The following BRAP variants were observed in gnomAD, a reference collection of about 807,000 sequenced individuals.
The protein encoded by BRAP is BRCA1-associated protein.
Under a neutral mutation model 73.4 loss-of-function variants are expected in BRAP, and 42 were observed. The ratio of observed to expected loss-of-function variants is 0.57; its 90% CI spans 0.45 to 0.74. The LOEUF (loss-of-function observed/expected upper bound fraction) is 0.74, where lower values mean the gene tolerates loss of function less well. BRAP is among the 30% of genes least tolerant of loss of function. The pLI is 0.00. For missense variants in BRAP, 593 were observed against 751.4 expected, an observed-to-expected ratio of 0.79 and a Z score of 2.46; for synonymous variants, 255 against 267.4, an observed-to-expected ratio of 0.95 and a Z score of 0.45.
At chr12:111,670,226 C>T (rs902176432) in intron 5 of BRAP, 12 of 603,086 alleles carry the variant, frequency 2.0e-5, no homozygotes, top group South Asian at 6.9e-5. Flanking sequence ...TTCATCTGAC[C>T]GTTTCTCAAT....
intron 3 of BRAP, among the ~76,000 whole-genome samples, 197 bp from the exon 4 acceptor site, chr12:111,679,537 C>A (rs909664193): frequency 6.6e-6 from 1 of 152,050 alleles, no homozygotes; most frequent in African/African-American, 2.4e-5. Flanking sequence ...AATCTGCATT[C>A]GGTAAATTTG....
At chr12:111,662,797 C>T (rs966409419) in intron 6 of BRAP, among the ~76,000 whole-genome samples, 1 of 151,850 alleles carries the variant, frequency 6.6e-6, no homozygotes. Context: ...CTCATCCCTT[C>T]GGTCTGTGTG....
chr12:111,681,583 CAAAAA>C (rs368877992), intron 3 of BRAP, 49 bp downstream of exon 3: 282 of 1,118,910 alleles, frequency 2.5e-4, no homozygotes, highest in South Asian at 3.4e-4. Flanking sequence ...TAAAGCAAAG[CAAAAA>C]AAAAAAAAAA....
Position 111,665,541 on chromosome 12 carries a change from C to T in BRAP, c.896+98G>A. 1.3e-6 allele frequency: 2 copies of T among 1,499,930 alleles called. No individual in the cohort carries two copies. The highest frequency in any genetic ancestry group is 1.8e-6 in the Non-Finnish European group (2 of 1,105,664). The allele number at this position is 1,499,930 out of a possible 1,614,324, so 92.9% of individuals were successfully genotyped here. On this transcript the variant is annotated intron_variant, in intron 6 of 11. Coordinates refer to ENST00000419234, the MANE Select transcript of BRAP (RefSeq NM_006768.5). The surrounding 1 kb of genome is among the most constrained non-coding windows in gnomAD (Gnocchi z 4.3). ...AGAAAAAGGACCTCTTGAATAAAGT[C>T]AAATACTTGGAATGGTTCATTTCTG...
At chr12:111,685,461 G>T in intron 1 of BRAP, 1 of 818,832 alleles carries the variant, frequency 1.2e-6, no homozygotes, top group Non-Finnish European at 1.6e-6. Flanking sequence ...TCGAGAGGGA[G>T]ACGCGCCAGG....
intron 4 of BRAP, among the ~76,000 whole-genome samples, chr12:111,676,893 TC>T (rs950977439): frequency 6.6e-6 from 1 of 152,014 alleles, no homozygotes; most frequent in African/African-American, 2.4e-5. Context: ...TATTAGAAAA[TC>T]CCTGTTAGGA....
intron 5 of BRAP, 81 bp downstream of exon 5, chr12:111,672,580 G>A: frequency 7.9e-7 from 1 of 1,265,322 alleles, no homozygotes; most frequent in South Asian, 1.3e-5. Flanking sequence ...GCCTATTCTG[G>A]GTATTTCACA....
At chr12:111,675,183 C>A (rs992643868) in intron 4 of BRAP, among the ~76,000 whole-genome samples, 20 of 151,804 alleles carry the variant, frequency 1.3e-4, no homozygotes, top group African/African-American at 4.8e-4. Context: ...ATAGCTTGAG[C>A]CCAGGAGGTG....
In BRAP at chr12:111,644,369, T is replaced by A; in HGVS notation, c.1609A>T (p.Met537Leu). 1 of 1,613,872 alleles carries A rather than the reference T, an allele frequency of 6.2e-7. No homozygotes were observed. Among genetic ancestry groups the A allele is most frequent in the Non-Finnish European group, 8.5e-7 (1 of 1,179,994 alleles). ...TEIQEQLRDV[M>L]FYLETQQKIN... ...TTCTGCTGTGTCTCCAGGTAGAACA[T>A]GACGTCACGCAGCTGCTCCTGGATC... Residue 537 changes from methionine (M) to leucine (L), a missense_variant, in exon 12 of 12, where the codon ATG (methionine) becomes TTG (leucine). Met to Leu is a conservative substitution (Grantham distance 15). This residue lies in a region of BRAP where 143 missense variants were observed against 190.4 expected (regional missense o/e 0.75). Coordinates refer to ENST00000419234, the MANE Select transcript of BRAP (RefSeq NM_006768.5).
At chr12:111,670,821 C>T (rs562371002) in intron 5 of BRAP, among the ~76,000 whole-genome samples, 6 of 151,326 alleles carry the variant, frequency 4.0e-5, no homozygotes, top group South Asian at 2.1e-4. Context: ...GAAATCTGGC[C>T]GGGCGCGGTG....
At position 111,642,461 on chromosome 12, in the gene BRAP, G is replaced by A. The variant is rs551864504; in HGVS notation, c.*1738C>T. 1 of 152,186 alleles carries A rather than the reference G, an allele frequency of 6.6e-6. No homozygotes were observed. The highest frequency in any genetic ancestry group is 2.4e-5 in the African/African-American group (1 of 41,520). The allele number at this position is 152,186 out of a possible 1,614,324, so 9.4% of individuals were successfully genotyped here. ...TACTGAAAAATCTGTTTTCCCAGGTGGTGGTGGGGCCACTGGATAGAAGGG... is the reference window on the plus strand; with the variant it reads ...TACTGAAAAATCTGTTTTCCCAGGTAGTGGTGGGGCCACTGGATAGAAGGG... On this transcript the variant is annotated 3_prime_UTR_variant, in exon 12 of 12. Coordinates refer to ENST00000419234, the MANE Select transcript of BRAP (RefSeq NM_006768.5).
intron 2 of BRAP, among the ~76,000 whole-genome samples, chr12:111,682,042 A>G (rs528747542): frequency 6.6e-6 from 1 of 152,164 alleles, no homozygotes; most frequent in South Asian, 2.1e-4. Context: ...TCTCATTAAC[A>G]CCCTCAGAAA....
chr12:111,643,539 T>C lies in BRAP; in HGVS notation c.*660A>G, dbSNP rs972966012. 2 of 152,150 alleles carry C rather than the reference T, an allele frequency of 1.3e-5. No homozygotes were observed. Among genetic ancestry groups the C allele is most frequent in the African/African-American group, 4.8e-5 (2 of 41,434 alleles). The allele number at this position is 152,150 out of a possible 1,614,324, so 9.4% of individuals were successfully genotyped here. A position where few individuals can be genotyped will look rare whatever the true frequency, so the allele number is the denominator to read the frequency against. On this transcript the variant is annotated 3_prime_UTR_variant, in exon 12 of 12. Transcript: ENST00000419234. ...GGAGCTGCCACCATTTTTCCTACAC[T>C]GAGTCTACCCAATGTGCCCCGGGTT...
At position 111,682,497 on chromosome 12, in the gene BRAP, C is replaced by CAAAAA. The variant is rs11366915; in HGVS notation, c.244+644_244+648dup. On this transcript the variant is annotated intron_variant, in intron 2 of 11. Coordinates refer to ENST00000419234, the MANE Select transcript of BRAP (RefSeq NM_006768.5). ...ACCTGGGGACAAAGTGAGACTGTCT[C>CAAAAA]AAAAAAAAAAAAAAAAAAAAAGAAA... Among the ~76,000 whole-genome samples, 100 of 76,900 alleles carry CAAAAA rather than the reference C, an allele frequency of 1.3e-3. 1 individual carries two copies. The highest frequency in any genetic ancestry group is 1.7e-3 in the Non-Finnish European group (69 of 40,194). The allele number at this position is 76,900 out of a possible 152,430, so 50.4% of individuals were successfully genotyped here. A position where few individuals can be genotyped will look rare whatever the true frequency, so the allele number is the denominator to read the frequency against.
chr12:111,677,229 G>A (rs1887417593), intron 4 of BRAP, among the ~76,000 whole-genome samples: 1 of 152,182 alleles, frequency 6.6e-6, no homozygotes, highest in Admixed American at 6.5e-5. Context: ...TATTTCAAAA[G>A]CCTGAGTGCT....
chr12:111,659,655 A>AAAAC (rs971101421), intron 7 of BRAP, among the ~76,000 whole-genome samples: 39 of 152,026 alleles, frequency 2.6e-4, no homozygotes, highest in African/African-American at 7.2e-5. Context: ...ACTCTGTCTT[A>AAAAC]AAACAAACAA....
chr12:111,670,828 G>A (rs1201027146), intron 5 of BRAP, among the ~76,000 whole-genome samples: 4 of 152,136 alleles, frequency 2.6e-5, no homozygotes, highest in Non-Finnish European at 4.4e-5. Flanking sequence ...GGCCGGGCGC[G>A]GTGGCTCATG....
In BRAP at chr12:111,644,330, G is replaced by A. The variant is rs760506899; in HGVS notation, c.1648C>T (p.Pro550Ser). The A allele has an allele frequency of 6.2e-6, 10 of 1,614,014 alleles. No homozygotes were observed. Among genetic ancestry groups the A allele is most frequent in the Non-Finnish European group, 8.5e-6 (10 of 1,180,020 alleles). The change falls in exon 12 of 12, where the codon CCT becomes TCT. Residue 550 changes from proline to serine, a missense_variant. Physicochemically the swap from Pro to Ser is moderately conservative, Grantham distance 74. Around this residue, in one of 4 missense-constraint regions of BRAP, gnomAD observed 79 missense variants for 65.3 expected, o/e 1.21. Transcript: ENST00000419234. The part of the protein sequence containing the change: ...LETQQKINHL[P>S]AETRQEIQEG... ...TGGATTTCCTGCCGGGTCTCGGCAGGCAGATGGTTGATCTTCTGCTGTGTC... is the reference window on the plus strand; with the variant it reads ...TGGATTTCCTGCCGGGTCTCGGCAGACAGATGGTTGATCTTCTGCTGTGTC...
At chr12:111,653,498 A>C (rs1271682880) in intron 10 of BRAP, among the ~76,000 whole-genome samples, 4 of 152,130 alleles carry the variant, frequency 2.6e-5, no homozygotes, top group Non-Finnish European at 5.9e-5. Flanking sequence ...GGCCATGAAA[A>C]CTAAGAACCT....
Sources: allele counts gnomAD v4.1 joint callset (sites outside exome capture counted in the v4.1 genomes callset), GRCh38; gene constraint gnomAD v4.1.1; regional missense constraint gnomAD v4.1.1; non-coding constraint Gnocchi (gnomAD v3.1); transcripts MANE v1.5; gene names NCBI Gene and HGNC (gene_info 2026-07-23, HGNC 2026-07-21).